SORCS1: variants seen among roughly 807,000 people sequenced by gnomAD.
The protein encoded by SORCS1 is sortilin related VPS10 domain containing receptor 1.
A neutral mutation model predicts 146.1 loss-of-function variants in SORCS1; 60 were observed. That is an observed-to-expected ratio of 0.41 (90% confidence interval 0.33 to 0.51). The LOEUF is 0.51. Among genes scored for constraint, SORCS1 ranks in the 20% least tolerant of loss-of-function variants. SORCS1 has a pLI of 0.21. For synonymous variants in SORCS1, 637 were observed against 584.0 expected (o/e 1.09, Z -1.31); for missense variants, 1,352 against 1,487.6 (o/e 0.91, Z 1.50).
intron 2 of SORCS1, among the ~76,000 whole-genome samples, chr10:106,939,010 A>T (rs1430659244): frequency 6.6e-6 from 1 of 152,234 alleles, no homozygotes; most frequent in Non-Finnish European, 1.5e-5. Context: ...GTCCCATGTA[A>T]TGTAGAAGGA....
intron 2 of SORCS1, among the ~76,000 whole-genome samples, chr10:106,909,985 T>G (rs933207820): frequency 1.3e-5 from 2 of 152,170 alleles, no homozygotes; most frequent in African/African-American, 4.8e-5. Context: ...AAAAGCTATA[T>G]AGCAATTTTC....
chr10:106,648,983 T>C (rs547384223), intron 18 of SORCS1, among the ~76,000 whole-genome samples: 52 of 152,210 alleles, frequency 3.4e-4, no homozygotes, highest in African/African-American at 1.2e-3. Flanking sequence ...AACTATCCTA[T>C]ACGGAGTTTA....
chr10:106,669,379 T>G (rs1851415064), intron 16 of SORCS1, among the ~76,000 whole-genome samples: 1 of 152,158 alleles, frequency 6.6e-6, no homozygotes, highest in Admixed American at 6.5e-5. Flanking sequence ...TTTTTTCTCT[T>G]TGGTTTTCTA....
chr10:106,865,937 G>A (rs1443726667), intron 2 of SORCS1, among the ~76,000 whole-genome samples: 1 of 151,322 alleles, frequency 6.6e-6, no homozygotes, highest in Non-Finnish European at 1.5e-5. Flanking sequence ...GGAGGCTGAG[G>A]CAGGAGAATC....
rs571662793 is a variant in SORCS1, at chr10:106,810,456, C to T, written c.726+19118G>A. Among the ~76,000 whole-genome samples, 22 of 152,218 alleles carry T rather than the reference C, an allele frequency of 1.4e-4. No homozygotes were observed. The South Asian group carries it at 2.5e-3, about 17-fold the overall frequency. Reference sequence around the variant, plus strand: ...TGAATAGCACTTTGTATCTAATAAGCCTATGTGGGATGCCTGTGTTTCATA... The same window carrying T: ...TGAATAGCACTTTGTATCTAATAAGTCTATGTGGGATGCCTGTGTTTCATA... On this transcript the variant is annotated intron_variant, in intron 3 of 25. Transcript: ENST00000263054.
At chr10:107,061,011 TAAA>T (rs1179989498) in intron 1 of SORCS1, among the ~76,000 whole-genome samples, 1 of 152,124 alleles carries the variant, frequency 6.6e-6, no homozygotes, top group African/African-American at 2.4e-5. Context: ...TATCTATGAG[TAAA>T]AAATAACAGT....
At chr10:107,164,892 C>G (rs911078391), upstream of SORCS1, among the ~76,000 whole-genome samples, 10 of 147,800 alleles carry the variant, frequency 6.8e-5, no homozygotes, top group Non-Finnish European at 3.0e-5. The surrounding 1 kb of genome is among the most constrained non-coding windows in gnomAD (Gnocchi z 6.8). Context: ...GCGCTGGAGG[C>G]GCCGCCGGCG....
Position 106,726,359 on chromosome 10 carries a change from CAAAAAAAAAAAAA to C in SORCS1, c.1024+3678_1024+3690del, listed in dbSNP as rs60801871. Among the ~76,000 whole-genome samples, 10 of 43,596 alleles carry C rather than the reference CAAAAAAAAAAAAA, an allele frequency of 2.3e-4. No homozygotes were observed. The South Asian group carries it at 5.1e-3, about 22-fold the overall frequency. The allele number at this position is 43,596 out of a possible 152,430, so 28.6% of individuals were successfully genotyped here. A position where few individuals can be genotyped will look rare whatever the true frequency, so the allele number is the denominator to read the frequency against. Reference sequence around the variant, plus strand: ...ATAGTTTCTGAAGATGCTGCCTTCGCAAAAAAAAAAAAAAAAAAAAAAAAAAAAAGTAAAATAA... The same window carrying C: ...ATAGTTTCTGAAGATGCTGCCTTCGCAAAAAAAAAAAAAAAAGTAAAATAA... On this transcript the variant is annotated intron_variant, in intron 6 of 25. Coordinates refer to ENST00000263054, the MANE Select transcript of SORCS1 (RefSeq NM_052918.5).
intron 6 of SORCS1, among the ~76,000 whole-genome samples, chr10:106,729,313 T>C (rs942536193): frequency 6.6e-5 from 10 of 152,210 alleles, no homozygotes; most frequent in African/African-American, 2.4e-4. Flanking sequence ...GGCTACAAAG[T>C]GTAGTCCTGT....
chr10:106,625,624 C>T (rs530606414), intron 19 of SORCS1, among the ~76,000 whole-genome samples: 125 of 152,106 alleles, frequency 8.2e-4, no homozygotes, highest in Middle Eastern at 3.4e-3. Context: ...TGTGAATGGT[C>T]GAAAAACTAC....
intron 1 of SORCS1, among the ~76,000 whole-genome samples, chr10:107,148,632 G>T (rs1054502727): frequency 5.9e-5 from 9 of 152,136 alleles, no homozygotes; most frequent in African/African-American, 2.2e-4. Flanking sequence ...GGAATGCAAA[G>T]GTTTCTTTAA....
chr10:106,786,986 C>T (rs553043863), intron 3 of SORCS1, among the ~76,000 whole-genome samples: 2 of 152,060 alleles, frequency 1.3e-5, no homozygotes, highest in South Asian at 4.1e-4. Context: ...CTCTCAGGGA[C>T]ATTAAGGGAG....
chr10:107,018,377 G>A (rs7894217), intron 1 of SORCS1, among the ~76,000 whole-genome samples: 10,890 of 151,056 alleles, frequency 0.072, 1,288 homozygotes, highest in African/African-American at 0.25. Context: ...AAGTAGAGAC[G>A]GGGTTTCACC....
Position 106,891,504 on chromosome 10 carries a change from C to CTTTTTT in SORCS1, c.627-61837_627-61832dup, listed in dbSNP as rs760812204. On this transcript the variant is annotated intron_variant, in intron 2 of 25. Transcript: ENST00000263054. ...GTAATCAGAAGTTTCAATGGGAATT[C>CTTTTTT]TTTTTTTTTTTTTGAGAAAAGACCT... Among the ~76,000 whole-genome samples, 141 of 97,270 alleles carry CTTTTTT rather than the reference C, an allele frequency of 1.4e-3. 23 individuals carry two copies. The highest frequency in any genetic ancestry group is 2.6e-3 in the Non-Finnish European group (112 of 43,542). The allele number at this position is 97,270 out of a possible 152,430, so 63.8% of individuals were successfully genotyped here.
At chr10:106,732,292 A>C (rs934662515) in intron 5 of SORCS1, among the ~76,000 whole-genome samples, 2 of 152,166 alleles carry the variant, frequency 1.3e-5, no homozygotes, top group African/African-American at 4.8e-5. Context: ...AATCACTGGA[A>C]TCTGCTTGAA....
chr10:106,976,333 G>GTTTTTTTTTTGTTTTTTTTTTT (rs757120275), intron 1 of SORCS1, among the ~76,000 whole-genome samples: 3 of 113,816 alleles, frequency 2.6e-5, no homozygotes, highest in Non-Finnish European at 1.7e-5. Flanking sequence ...AGGTTTTTTT[G>GTTTTTTTTTTGTTTTTTTTTTT]TTTTTTTTTT....
intron 1 of SORCS1, among the ~76,000 whole-genome samples, chr10:106,981,265 T>G (rs1051576851): frequency 6.6e-6 from 1 of 152,222 alleles, no homozygotes; most frequent in Non-Finnish European, 1.5e-5. Context: ...TTTGCAAGAA[T>G]GCATTTGTGG....
intron 1 of SORCS1, among the ~76,000 whole-genome samples, chr10:107,085,071 C>A (rs1212253938): frequency 6.6e-6 from 1 of 152,148 alleles, no homozygotes; most frequent in African/African-American, 2.4e-5. Context: ...TCCTGGGTTC[C>A]AGATTCATAA....
At chr10:106,825,594 A>G (rs1341287525) in intron 3 of SORCS1, among the ~76,000 whole-genome samples, 1 of 150,664 alleles carries the variant, frequency 6.6e-6, no homozygotes, top group Non-Finnish European at 1.5e-5. Context: ...TTTCTTTGCT[A>G]CATTTGTATT....
Sources: allele counts gnomAD v4.1 joint callset (sites outside exome capture counted in the v4.1 genomes callset), GRCh38; gene constraint gnomAD v4.1.1; non-coding constraint Gnocchi (gnomAD v3.1); transcripts MANE v1.5; gene names NCBI Gene and HGNC (gene_info 2026-07-23, HGNC 2026-07-21).